The following TMEM165 variants were observed in gnomAD, a reference collection of about 807,000 sequenced individuals.
The protein encoded by TMEM165 is transmembrane protein 165.
TMEM165 carries 19 observed loss-of-function variants against 30.0 expected under a neutral mutation model. The ratio of observed to expected loss-of-function variants is 0.63; its 90% CI spans 0.44 to 0.93. The LOEUF is 0.93. Among genes scored for constraint, TMEM165 ranks in the 40% least tolerant of loss-of-function variants. The pLI is 0.00. For synonymous variants in TMEM165, 168 were observed against 162.9 expected (o/e 1.03, Z -0.24); for missense variants, 340 against 417.0 (o/e 0.82, Z 1.61).
At chr4:55,403,850 CTCTGTGTCCACGT>C (rs549378886) in intron 1 of TMEM165, among the ~76,000 whole-genome samples, 136 of 152,268 alleles carry the variant, frequency 8.9e-4, no homozygotes, top group Non-Finnish European at 1.1e-3. Context: ...TGTACCTCCT[CTCTGTGTCCACGT>C]TCCTATTCTC....
At chr4:55,406,531 A>G (rs1484241033) in intron 1 of TMEM165, among the ~76,000 whole-genome samples, 2 of 152,230 alleles carry the variant, frequency 1.3e-5, no homozygotes, top group African/African-American at 4.8e-5. Context: ...CTCAACTTCA[A>G]AATATCTTAA....
intron 3 of TMEM165, chr4:55,433,377 C>T (rs572278716): frequency 1.4e-3 from 209 of 152,686 alleles, no homozygotes; most frequent in African/African-American, 4.9e-3. Context: ...TCTTTTTCAA[C>T]ATTAATGTTC....
chr4:55,421,783 A>T (rs1465578043), intron 4 of TMEM165, among the ~76,000 whole-genome samples: 1 of 151,822 alleles, frequency 6.6e-6, no homozygotes. Context: ...ATTCCCACCC[A>T]TCACAGTGGC....
At chr4:55,440,287 C>T (rs1358312694) in intron 3 of TMEM165, among the ~76,000 whole-genome samples, 4 of 152,278 alleles carry the variant, frequency 2.6e-5, no homozygotes, top group South Asian at 2.1e-4. Flanking sequence ...CGCAGCATAG[C>T]GTCCTCTGTG....
chr4:55,405,859 G>A (rs1721249006), intron 1 of TMEM165, among the ~76,000 whole-genome samples: 1 of 152,168 alleles, frequency 6.6e-6, no homozygotes, highest in African/African-American at 2.4e-5. Flanking sequence ...CTCTGAGCTT[G>A]TCCACAAACA....
intron 3 of TMEM165, among the ~76,000 whole-genome samples, chr4:55,437,444 T>G (rs1162049318): frequency 6.6e-6 from 1 of 152,208 alleles, no homozygotes; most frequent in Non-Finnish European, 1.5e-5. Context: ...TGTACATTTC[T>G]CTGCTGAGGA....
rs991374625 is a variant in TMEM165 at position 55,396,182 on chromosome 4, C to T, written c.-8C>T. ...CGGCGCCCGTGCGCGGCCGGCCCGG[C>T]AGGCGGGATGGCGGCCGCGGCTCCA... is the stretch of plus-strand genomic sequence containing the variant. On this transcript the variant is annotated 5_prime_UTR_variant, in exon 1 of 6. Coordinates refer to ENST00000381334, the MANE Select transcript of TMEM165 (RefSeq NM_018475.5). 3 of 1,386,866 alleles carry T rather than the reference C, an allele frequency of 2.2e-6. No homozygotes were observed. The highest frequency in any genetic ancestry group is 2.8e-6 in the Non-Finnish European group (3 of 1,080,030). The allele number at this position is 1,386,866 out of a possible 1,614,324, so 85.9% of individuals were successfully genotyped here. A position where few individuals can be genotyped will look rare whatever the true frequency, so the allele number is the denominator to read the frequency against.
chr4:55,451,365 T>C (rs1164887887), intron 3 of TMEM165, among the ~76,000 whole-genome samples: 2 of 152,226 alleles, frequency 1.3e-5, no homozygotes, highest in African/African-American at 4.8e-5. Flanking sequence ...AGTAACTTCC[T>C]GGTTTTATTC....
intron 1 of TMEM165, among the ~76,000 whole-genome samples, chr4:55,408,406 A>G (rs1448146007): frequency 1.3e-5 from 2 of 152,372 alleles, no homozygotes; most frequent in African/African-American, 2.4e-5. Flanking sequence ...ATAACCTGCT[A>G]TACACCTAGG....
chr4:55,409,808 C>T (rs1721411197), intron 1 of TMEM165, among the ~76,000 whole-genome samples: 1 of 152,126 alleles, frequency 6.6e-6, no homozygotes, highest in Non-Finnish European at 1.5e-5. Flanking sequence ...CAGTCTGTTC[C>T]AACTTTGGGT....
intron 4 of TMEM165, among the ~76,000 whole-genome samples, chr4:55,422,202 C>T (rs940161069): frequency 3.3e-5 from 5 of 152,190 alleles, no homozygotes; most frequent in Non-Finnish European, 5.9e-5. Context: ...TGAATGCTGC[C>T]TTTGTCCCTC....
chr4:55,411,014 A>G (rs1478926065), intron 1 of TMEM165, among the ~76,000 whole-genome samples: 5 of 151,994 alleles, frequency 3.3e-5, no homozygotes, highest in Non-Finnish European at 7.4e-5. Flanking sequence ...GCATACCTAT[A>G]ATCCCAGCTA....
chr4:55,402,583 G>C (rs1352881471), intron 1 of TMEM165, among the ~76,000 whole-genome samples: 5 of 143,038 alleles, frequency 3.5e-5, no homozygotes, highest in African/African-American at 1.1e-4. Flanking sequence ...GAGTGGCTGA[G>C]ACTACAGGTG....
rs869107499 is a variant in TMEM165, at chr4:55,402,403, GTATATATATATATA to G, written c.207+6025_207+6038del. On this transcript the variant is annotated intron_variant, in intron 1 of 5. Transcript: ENST00000381334. ...TAAGTGCGTGCGTGTGTGTGTGTGT[GTATATATATATATA>G]TATATATATATATATATTTTTTTTT... Among the ~76,000 whole-genome samples the G allele has an allele frequency of 2.7e-3, 129 of 48,144 alleles. 6 individuals are homozygous for G. The highest frequency in any genetic ancestry group is 9.4e-3 in the African/African-American group (90 of 9,584). 31.6% of individuals were successfully genotyped at this position (48,144 alleles called of 152,430 possible). A position where few individuals can be genotyped will look rare whatever the true frequency, so the allele number is the denominator to read the frequency against.
In TMEM165 at chr4:55,448,595, CGCGCGCGTGTGTGTGTGTGT is replaced by C; in HGVS notation, c.409-3642_409-3623del. On this transcript the variant is annotated intron_variant, in intron 3 of 3. Coordinates refer to the TMEM165 transcript ENST00000608091. ...ATAATTATATATGTGCGCGCGCGCA[CGCGCGCGTGTGTGTGTGTGT>C]GTGTGTGTGTGTGTGTGTGTGTGTG... 6.0e-5 allele frequency among the ~76,000 whole-genome samples: 2 copies of C among 33,270 alleles called. 1 individual carries two copies. Among genetic ancestry groups the C allele is most frequent in the African/African-American group, 2.1e-4 (2 of 9,706 alleles). The allele number at this position is 33,270 out of a possible 152,430, so 21.8% of individuals were successfully genotyped here.
chr4:55,440,821 G>C (rs1270068113), intron 3 of TMEM165, among the ~76,000 whole-genome samples: 1 of 152,120 alleles, frequency 6.6e-6, no homozygotes, highest in Non-Finnish European at 1.5e-5. Flanking sequence ...CCTCTGCCCA[G>C]AATGCCTCCC....
intron 3 of TMEM165, 105 bp from the exon 4 acceptor site, chr4:55,417,698 G>T (rs1209867446): frequency 2.1e-6 from 2 of 951,846 alleles, no homozygotes; most frequent in Non-Finnish European, 3.1e-6. Context: ...TAGTTTTTTT[G>T]GAGCATATTT....
intron 3 of TMEM165, chr4:55,444,622 A>G (rs754911578): frequency 2.2e-5 from 36 of 1,613,934 alleles, no homozygotes; most frequent in South Asian, 1.9e-4. Flanking sequence ...GTATTCAAAT[A>G]TAACAATTAC....
Position 55,417,054 on chromosome 4 carries a change from C to T in TMEM165, c.434-18C>T. On this transcript the variant is annotated intron_variant, in intron 2 of 5. Coordinates refer to ENST00000381334, the MANE Select transcript of TMEM165 (RefSeq NM_018475.5). ...GATACACACTCGATTAACAAACATA[C>T]TGTTGTATTTTTTCCAGTTTTGTTT... is the stretch of plus-strand genomic sequence containing the variant. The T allele has an allele frequency of 6.3e-7, 1 of 1,575,272 alleles. No individual in the cohort carries two copies. The highest frequency in any genetic ancestry group is 8.6e-7 in the Non-Finnish European group (1 of 1,162,538).
Sources: gnomAD v4.1 joint callset for allele counts (sites outside exome capture counted in the v4.1 genomes callset) on GRCh38, gnomAD v4.1.1 for gene constraint, MANE v1.5 for transcripts, NCBI Gene and HGNC (gene_info 2026-07-23, HGNC 2026-07-21) for gene names.